Variants in TRPM3 observed in about 807,000 individuals in gnomAD.
The protein encoded by TRPM3 is long transient receptor potential channel 3.
A neutral mutation model predicts 181.2 loss-of-function variants in TRPM3; 77 were observed. That is an observed-to-expected ratio of 0.42 (90% confidence interval 0.35 to 0.51). TRPM3 has a LOEUF of 0.51. TRPM3 is among the 20% of genes least tolerant of loss of function. The pLI is 0.01. For missense variants in TRPM3, 1,759 were observed against 2,196.7 expected, an observed-to-expected ratio of 0.80 and a Z score of 3.98; for synonymous variants, 745 against 796.4, an observed-to-expected ratio of 0.94 and a Z score of 1.09.
chr9:70,832,214 G>C (rs2093980549), intron 5 of TRPM3, among the ~76,000 whole-genome samples: 1 of 149,818 alleles, frequency 6.7e-6, no homozygotes. Context: ...AGTGGGTGCA[G>C]CGCACCAGCA....
intron 5 of TRPM3, among the ~76,000 whole-genome samples, chr9:70,830,415 G>A (rs1286230955): frequency 2.0e-5 from 3 of 152,172 alleles, no homozygotes; most frequent in Non-Finnish European, 2.9e-5. Context: ...ATAGCTCAGC[G>A]GCTCTTTGGG....
chr9:70,657,523 T>A (rs191741825), intron 9 of TRPM3, among the ~76,000 whole-genome samples: 1 of 152,166 alleles, frequency 6.6e-6, no homozygotes, highest in African/African-American at 2.4e-5. Context: ...TTCTTTTGCC[T>A]TTTGGTAACT....
intron 1 of TRPM3, among the ~76,000 whole-genome samples, chr9:71,277,130 AT>A (rs75458739): frequency 9.2e-5 from 14 of 151,958 alleles, no homozygotes; most frequent in South Asian, 2.1e-4. Context: ...AAAAAAGCTT[AT>A]TTTTTTTAAA....
chr9:70,905,096 AT>A (rs1357682765), intron 1 of TRPM3, among the ~76,000 whole-genome samples: 1 of 152,198 alleles, frequency 6.6e-6, no homozygotes, highest in Non-Finnish European at 1.5e-5. Flanking sequence ...TCAATCATGG[AT>A]TATCCACTTT....
chr9:70,546,869 A>T (rs980156740), intron 25 of TRPM3, among the ~76,000 whole-genome samples: 3 of 152,314 alleles, frequency 2.0e-5, no homozygotes, highest in African/African-American at 7.2e-5. Flanking sequence ...AAAGGGAAAG[A>T]CAAGGATTTT....
At chr9:71,413,468 C>A (rs2093591776) in intron 1 of TRPM3, among the ~76,000 whole-genome samples, 1 of 152,042 alleles carries the variant, frequency 6.6e-6, no homozygotes, top group Admixed American at 6.6e-5. Context: ...AGGATTTGTA[C>A]ACAGGCAGTT....
intron 1 of TRPM3, among the ~76,000 whole-genome samples, chr9:71,328,418 G>A (rs1223711507): frequency 2.6e-5 from 4 of 152,154 alleles, no homozygotes; most frequent in East Asian, 1.9e-4. Flanking sequence ...TGCCCGCCTC[G>A]GCCTCCCAAA....
intron 1 of TRPM3, among the ~76,000 whole-genome samples, chr9:71,329,615 T>C (rs1454690392): frequency 6.6e-6 from 1 of 152,152 alleles, no homozygotes; most frequent in African/African-American, 2.4e-5. Context: ...CTGTCATGAG[T>C]ACTCAAAATA....
At chr9:70,673,288 C>T in intron 9 of TRPM3, among the ~76,000 whole-genome samples, 1 of 140,516 alleles carries the variant, frequency 7.1e-6, no homozygotes, top group East Asian at 2.1e-4. Context: ...GACCAATTTG[C>T]TTCATAACAT....
chr9:71,343,320 C>G (rs1442815665), intron 1 of TRPM3, among the ~76,000 whole-genome samples: 1 of 152,078 alleles, frequency 6.6e-6, no homozygotes, highest in Non-Finnish European at 1.5e-5. Context: ...AAGAACTAGT[C>G]CAAGGAGCTT....
chr9:71,303,813 T>C (rs1259691060), intron 1 of TRPM3, among the ~76,000 whole-genome samples: 1 of 152,148 alleles, frequency 6.6e-6, no homozygotes, highest in African/African-American at 2.4e-5. Context: ...AGGTTTTTAA[T>C]AGAAATACTT....
intron 1 of TRPM3, among the ~76,000 whole-genome samples, chr9:70,945,419 C>T (rs1764981674): frequency 6.6e-6 from 1 of 152,170 alleles, no homozygotes; most frequent in Admixed American, 6.5e-5. Context: ...GAACTAAAAA[C>T]TGTTAAACAT....
At chr9:71,326,424 T>TTGTA (rs902922349) in intron 1 of TRPM3, among the ~76,000 whole-genome samples, 2 of 152,178 alleles carry the variant, frequency 1.3e-5, no homozygotes, top group Non-Finnish European at 2.9e-5. Flanking sequence ...GCATGTATGT[T>TTGTA]TGTATGTATG....
At chr9:70,658,384 G>T (rs1033803134) in intron 9 of TRPM3, among the ~76,000 whole-genome samples, 3 of 151,976 alleles carry the variant, frequency 2.0e-5, no homozygotes, top group African/African-American at 4.8e-5. Flanking sequence ...AAGATATTAG[G>T]TTCCCTAAAG....
At chr9:71,251,677 T>A (rs929298111) in intron 1 of TRPM3, among the ~76,000 whole-genome samples, 1 of 152,182 alleles carries the variant, frequency 6.6e-6, no homozygotes, top group Non-Finnish European at 1.5e-5. Context: ...AATGGGTTAT[T>A]CATCCCCTCA....
rs77831073 is a variant in TRPM3 at position 71,228,307 on chromosome 9, G to T, written c.183+218346C>A. ...CGCTTCATGATAAAACTCCAAAAAT[G>T]GGTATAGAAGGAGTAAACCTCAACA... On this transcript the variant is annotated intron_variant, in intron 1 of 24. Coordinates refer to the TRPM3 transcript ENST00000357533. Among the ~76,000 whole-genome samples, 643 of 152,082 alleles carry T rather than the reference G, an allele frequency of 4.2e-3. 3 individuals carry two copies. Among genetic ancestry groups the T allele is most frequent in the African/African-American group, 0.015 (619 of 41,534 alleles).
intron 22 of TRPM3, among the ~76,000 whole-genome samples, chr9:70,576,952 G>A (rs958423591): frequency 2.6e-5 from 4 of 152,044 alleles, no homozygotes; most frequent in African/African-American, 9.7e-5. Context: ...CTCTTTTCAT[G>A]CCTATTTCCA....
At chr9:71,046,681 T>C (rs2133077473) in intron 1 of TRPM3, among the ~76,000 whole-genome samples, 1 of 152,236 alleles carries the variant, frequency 6.6e-6, no homozygotes, top group African/African-American at 2.4e-5. Flanking sequence ...TCTTAACAAT[T>C]AAAGGAAGGT....
intron 8 of TRPM3, among the ~76,000 whole-genome samples, chr9:70,690,355 A>G (rs2068157142): frequency 6.6e-6 from 1 of 152,188 alleles, no homozygotes; most frequent in African/African-American, 2.4e-5. Context: ...TGTTAACAAT[A>G]GGCTTGAGCA....
Sources: gnomAD v4.1 joint callset for allele counts (sites outside exome capture counted in the v4.1 genomes callset) on GRCh38, gnomAD v4.1.1 for gene constraint, MANE v1.5 for transcripts, NCBI Gene and HGNC (gene_info 2026-07-23, HGNC 2026-07-21) for gene names.